Variants in NHERF1 observed in about 807,000 individuals in gnomAD.
The protein encoded by NHERF1 is NHERF family PDZ scaffold protein 1.
At chr17:74,762,016 A>G in the NHERF1 span, 2 of 1,613,834 alleles carry the variant, frequency 1.2e-6, no homozygotes, top group African/African-American at 2.7e-5. The surrounding 1 kb of genome is among the most constrained non-coding windows in gnomAD (Gnocchi z 4.2). Context: ...CTGCAGCGCG[A>G]GCTTCGGCCT....
chr17:74,766,409 G>T, the NHERF1 span, among the ~76,000 whole-genome samples: 3 of 151,920 alleles, frequency 2.0e-5, no homozygotes, highest in African/African-American at 4.8e-5. Context: ...CACCATGTTG[G>T]CCAGGCTGGT....
At chr17:74,757,777 C>T in the NHERF1 span, among the ~76,000 whole-genome samples, 1 of 152,220 alleles carries the variant, frequency 6.6e-6, no homozygotes, top group Non-Finnish European at 1.5e-5. Context: ...AGGGTTCCTT[C>T]CTGCCCCCGC....
At chr17:74,754,168 T>TA in the NHERF1 span, among the ~76,000 whole-genome samples, 405 of 145,356 alleles carry the variant, frequency 2.8e-3, no homozygotes, top group African/African-American at 9.2e-3. Flanking sequence ...ATCTCCAAAA[T>TA]AAAAAAAAAA....
the NHERF1 span, chr17:74,761,970 G>A: frequency 6.2e-7 from 1 of 1,608,488 alleles, no homozygotes; most frequent in Non-Finnish European, 8.5e-7. This position sits in a 1 kb window ranked among gnomAD's most constrained non-coding sequence, Gnocchi z 4.3. Context: ...GCAGAACCTG[G>A]GGCACTGTGG....
At chr17:74,757,927 T>C in the NHERF1 span, among the ~76,000 whole-genome samples, 1 of 152,230 alleles carries the variant, frequency 6.6e-6, no homozygotes, top group African/African-American at 2.4e-5. Flanking sequence ...GTTGTTCCCC[T>C]GGACACCCAA....
chr17:74,768,032 G>T, the NHERF1 span: 4 of 808,492 alleles, frequency 4.9e-6, no homozygotes, highest in African/African-American at 6.7e-5. Flanking sequence ...GGTGGCCAGG[G>T]CATCAGTGCT....
At chr17:74,762,295 G>T in the NHERF1 span, 2 of 874,942 alleles carry the variant, frequency 2.3e-6, no homozygotes, top group Non-Finnish European at 3.8e-6. This position sits in a 1 kb window ranked among gnomAD's most constrained non-coding sequence, Gnocchi z 4.2. Context: ...ACCTGGAGCT[G>T]CTGGATGGAT....
the NHERF1 span, among the ~76,000 whole-genome samples, chr17:74,753,508 T>C: frequency 6.6e-6 from 1 of 152,182 alleles, no homozygotes; most frequent in Non-Finnish European, 1.5e-5. Context: ...ATCTCTTTCT[T>C]TGCTGGCAAA....
chr17:74,749,102 G>T, the NHERF1 span: 1 of 1,583,350 alleles, frequency 6.3e-7, no homozygotes, highest in Non-Finnish European at 8.6e-7. The surrounding 1 kb of genome is among the most constrained non-coding windows in gnomAD (Gnocchi z 5.6). Context: ...ACTCAACGCC[G>T]TGCGCCTGCT....
the NHERF1 span, among the ~76,000 whole-genome samples, chr17:74,761,620 C>T: frequency 1.3e-5 from 2 of 152,200 alleles, no homozygotes; most frequent in Non-Finnish European, 2.9e-5. The surrounding 1 kb of genome is among the most constrained non-coding windows in gnomAD (Gnocchi z 4.3). Flanking sequence ...GTGCCACACT[C>T]TGCCCCCTCT....
At chr17:74,763,410 T>C in the NHERF1 span, 1 of 1,614,122 alleles carries the variant, frequency 6.2e-7, no homozygotes, top group South Asian at 1.1e-5. Context: ...GGGGACGTGG[T>C]GTCCGCCATC....
At chr17:74,763,516 G>A in the NHERF1 span, 107 of 1,589,996 alleles carry the variant, frequency 6.7e-5, 1 homozygote, top group East Asian at 2.4e-3. Context: ...AGGAGCACCT[G>A]AATGGTAAGC....
At chr17:74,763,442 A>C in the NHERF1 span, 1 of 1,613,990 alleles carries the variant, frequency 6.2e-7, no homozygotes, top group East Asian at 2.2e-5. Context: ...GGACGAGACC[A>C]AGCTGCTGGT....
chr17:74,766,911 C>CA, the NHERF1 span: 1 of 1,613,368 alleles, frequency 6.2e-7, no homozygotes, highest in East Asian at 2.2e-5. Context: ...GTTCTGGACT[C>CA]ACCTCTGCTC....
chr17:74,763,411 G>A, the NHERF1 span: 2 of 1,614,122 alleles, frequency 1.2e-6, no homozygotes, highest in Non-Finnish European at 1.7e-6. Flanking sequence ...GGGACGTGGT[G>A]TCCGCCATCA....
chr17:74,754,776 G>C, the NHERF1 span, among the ~76,000 whole-genome samples: 1 of 152,182 alleles, frequency 6.6e-6, no homozygotes, highest in Non-Finnish European at 1.5e-5. Context: ...ACCACACCCA[G>C]CCAATATGCA....
At chr17:74,749,746 C>G in the NHERF1 span, among the ~76,000 whole-genome samples, 6 of 152,194 alleles carry the variant, frequency 3.9e-5, no homozygotes, top group African/African-American at 1.4e-4. This position sits in a 1 kb window ranked among gnomAD's most constrained non-coding sequence, Gnocchi z 5.6. Flanking sequence ...ACTTCAAAAG[C>G]TAGAGGAATA....
chr17:74,765,260 TTTTC>T, the NHERF1 span, among the ~76,000 whole-genome samples: 1 of 152,052 alleles, frequency 6.6e-6, no homozygotes, highest in Non-Finnish European at 1.5e-5. Context: ...CTTTTTTTCT[TTTTC>T]TTTTTCTTTT....
the NHERF1 span, chr17:74,763,666 C>T: frequency 2.4e-6 from 2 of 821,854 alleles, no homozygotes; most frequent in African/African-American, 3.4e-5. Flanking sequence ...ATGGGAGGCC[C>T]AGAGGTGTGG....
Sources: gnomAD v4.1 joint callset for allele counts (sites outside exome capture counted in the v4.1 genomes callset) on GRCh38, gnomAD v4.1.1 for gene constraint, Gnocchi (gnomAD v3.1) non-coding constraint, MANE v1.5 for transcripts, NCBI Gene and HGNC (gene_info 2026-07-23, HGNC 2026-07-21) for gene names.